ABCA2: variants seen among roughly 807,000 people sequenced by gnomAD.
The protein encoded by ABCA2 is ATP-binding cassette sub-family A member 2.
In ABCA2, 84 loss-of-function variants were observed where a neutral mutation model predicts 262.8. The ratio of observed to expected loss-of-function variants is 0.32; its 90% confidence interval spans 0.27 to 0.38. The LOEUF (loss-of-function observed/expected upper bound fraction) is 0.38, where lower values mean the gene tolerates loss of function less well. Ranked by LOEUF, ABCA2 falls within the 10% of genes least tolerant of loss-of-function variation. The pLI is 1.00. For missense variants in ABCA2, 2,662 were observed against 3,405.9 expected (o/e 0.78, Z 5.44); for synonymous variants, 1,696 against 1,502.9 (o/e 1.13, Z -2.97).
In ABCA2 at chr9:137,008,768, A is replaced by G. The variant is rs1192304938; in HGVS notation, c.7031T>C (p.Ile2344Thr). 6 of 1,594,464 alleles carry G rather than the reference A, an allele frequency of 3.8e-6. No individual in the cohort carries two copies. Among genetic ancestry groups the G allele is most frequent in the Non-Finnish European group, 5.1e-6 (6 of 1,172,306 alleles). The part of the protein sequence containing the change: ...KMEQVSGVLG[I>T]EDYSVSQTTL... ...GGTCTGGCTGACCGAGTAGTCCTCG[A>G]TGCCCAGCACGCCAGACACCTGCTC... The change falls in exon 47 of 49, where the codon ATC becomes ACC. Residue 2344 changes from isoleucine to threonine, a missense_variant. Around this residue, in one of 12 missense-constraint regions of ABCA2, gnomAD observed 212 missense variants for 214.4 expected, o/e 0.99. Coordinates refer to ENST00000341511, the MANE Select transcript of ABCA2 (RefSeq NM_001606.5).
Position 137,020,410 on chromosome 9 carries a change from C to T in ABCA2, c.1351G>A (p.Val451Met), listed in dbSNP as rs369407867. 10 of 1,612,780 alleles carry T rather than the reference C, an allele frequency of 6.2e-6. No individual in the cohort carries two copies. Among genetic ancestry groups the T allele is most frequent in the South Asian group, 1.1e-5 (1 of 91,090 alleles). ...TTGGGGTTGCTGGTCATGAGGTGCA[C>T]GAGGAGGCCCAGGTTCCGCTGCTCC... ...SKEQRNLGLL[V>M]HLMTSNPKIL... The change falls in exon 10 of 49, where the codon GTG becomes ATG. Residue 451 changes from valine (V) to methionine (M), a missense_variant. Val to Met is a conservative substitution (Grantham distance 21). Around this residue, in one of 12 missense-constraint regions of ABCA2, gnomAD observed 92 missense variants for 146.7 expected, o/e 0.63. Transcript: ENST00000341511.
At chr9:137,013,692 C>T (rs973026888) in intron 28 of ABCA2, 129 bp from the exon 29 acceptor site, 26 of 1,338,954 alleles carry the variant, frequency 1.9e-5, no homozygotes, top group East Asian at 5.0e-5. Flanking sequence ...ACAGGACTCC[C>T]GGATGAACCC....
At position 137,014,717 on chromosome 9, in the gene ABCA2, C is replaced by A; in HGVS notation, c.3976G>T (p.Asp1326Tyr). 6.2e-7 allele frequency: 1 copy of A among 1,605,896 alleles called. No homozygotes were observed. The highest frequency in any genetic ancestry group is 8.5e-7 in the Non-Finnish European group (1 of 1,177,462). The change falls in exon 26 of 49, where the codon GAT becomes TAT. Residue 1326 changes from aspartate (D) to tyrosine (Y), a missense_variant. Physicochemically the swap from Asp to Tyr is radical, Grantham distance 160 (BLOSUM62 -3). Coordinates refer to ENST00000341511, the MANE Select transcript of ABCA2 (RefSeq NM_001606.5). ...EEVFLKVSEE[D>Y]QSLENSEADV... ...GCCTCACTGTTCTCCAGCGACTGAT[C>A]CTCCTCCGACACCTTGAGGAACACT...
rs1310135292 is a variant in ABCA2, at chr9:137,010,616, C to A, written c.6174+4G>T. On this transcript the variant is annotated splice_donor_region_variant and intron_variant, in intron 40 of 48. Coordinates refer to ENST00000341511, the MANE Select transcript of ABCA2 (RefSeq NM_001606.5). The stretch of plus-strand genomic sequence containing the variant: ...AGGCCCCACCCTACATGCCCAGAGC[C>A]CACCTTGGTCAGGTTCTCAATCTTG... 1 of 1,610,750 alleles carries A rather than the reference C, an allele frequency of 6.2e-7. No homozygotes were observed. The highest frequency in any genetic ancestry group is 8.5e-7 in the Non-Finnish European group (1 of 1,178,646).
Position 137,007,821 on chromosome 9 carries a change from A to T in ABCA2, c.*108T>A. 4.1e-6 allele frequency: 6 copies of T among 1,468,966 alleles called. No individual in the cohort carries two copies. Among genetic ancestry groups the T allele is most frequent in the Non-Finnish European group, 5.5e-6 (6 of 1,081,476 alleles). 91.0% of individuals were successfully genotyped at this position (1,468,966 alleles called of 1,614,324 possible). On this transcript the variant is annotated 3_prime_UTR_variant, in exon 49 of 49. Coordinates refer to ENST00000341511, the MANE Select transcript of ABCA2 (RefSeq NM_001606.5). Reference sequence around the variant, plus strand: ...AGAAGCCCCTTGGTCCTGAACCTCCACTCCAGGCCCTGGCAGGCACTGGGG... The same window carrying T: ...AGAAGCCCCTTGGTCCTGAACCTCCTCTCCAGGCCCTGGCAGGCACTGGGG...
chr9:137,013,723 G>A, intron 28 of ABCA2, 109 bp downstream of exon 28: 2 of 1,384,968 alleles, frequency 1.4e-6, no homozygotes, highest in South Asian at 1.3e-5. Context: ...CCAGCCTCAG[G>A]TGTGGGGTGA....
intron 14 of ABCA2, 35 bp from the exon 15 acceptor site, chr9:137,018,110 G>T (rs1831325093): frequency 6.2e-7 from 1 of 1,609,980 alleles, no homozygotes; most frequent in South Asian, 1.1e-5. Flanking sequence ...TGCCGGGCAG[G>T]CCCTCTCGTC....
In ABCA2 at chr9:137,011,753, C is replaced by T; in HGVS notation, c.5536-4G>A. On this transcript the variant is annotated splice_polypyrimidine_tract_variant and splice_region_variant and intron_variant, in intron 35 of 48. Transcript: ENST00000341511. This position sits in a 1 kb window ranked among gnomAD's most constrained non-coding sequence, Gnocchi z 8.8. ...TAGCGGGGACCAGGTAGTTGAGCTGCAGGGGTGGGGGCGGCTGGTGAGAGA... is the reference window on the plus strand; with the variant it reads ...TAGCGGGGACCAGGTAGTTGAGCTGTAGGGGTGGGGGCGGCTGGTGAGAGA... The T allele has an allele frequency of 4.5e-6, 7 of 1,544,428 alleles. No homozygotes were observed. Among genetic ancestry groups the T allele is most frequent in the Non-Finnish European group, 6.1e-6 (7 of 1,142,656 alleles).
rs764984107 is a variant in ABCA2, at chr9:137,012,974, C to T, written c.4867+28G>A. On this transcript the variant is annotated intron_variant, in intron 30 of 48. Coordinates refer to ENST00000341511, the MANE Select transcript of ABCA2 (RefSeq NM_001606.5). Reference sequence around the variant, plus strand: ...GAGAAGGACCCCTCACTGCCCCTGCCCCCCCAGCAGGCCCCCTGAACCACT... The same window carrying T: ...GAGAAGGACCCCTCACTGCCCCTGCTCCCCCAGCAGGCCCCCTGAACCACT... 6 of 1,480,496 alleles carry T rather than the reference C, an allele frequency of 4.1e-6. No homozygotes were observed. The Middle Eastern group carries it at 5.4e-4, about 133-fold the overall frequency. The allele number at this position is 1,480,496 out of a possible 1,614,324, so 91.7% of individuals were successfully genotyped here.
rs1831239815 is a variant in ABCA2, at chr9:137,015,871, C to G, written c.3318G>C (p.Lys1106Asn). 1 of 1,608,754 alleles carries G rather than the reference C, an allele frequency of 6.2e-7. No individual in the cohort carries two copies. The highest frequency in any genetic ancestry group is 8.5e-7 in the Non-Finnish European group (1 of 1,177,034). The change falls in exon 23 of 49, where the codon AAG (lysine) becomes AAC (asparagine). Residue 1106 changes from lysine to asparagine, a missense_variant and splice_region_variant. By Grantham distance (94) the Lys-to-Asn change is moderately conservative. Around this residue, in one of 12 missense-constraint regions of ABCA2, gnomAD observed 180 missense variants for 307.3 expected, o/e 0.59. Transcript: ENST00000341511. Reference protein sequence around the residue: ...AQEEIRREMDKMIEDLELSNK... With the variant: ...AQEEIRREMDNMIEDLELSNK... Reference sequence around the variant, plus strand: ...TGGAGAGCTCCAGGTCCTCGATCATCCTGGGACAGGGAGGTGGGGCATGGG... The same window carrying G: ...TGGAGAGCTCCAGGTCCTCGATCATGCTGGGACAGGGAGGTGGGGCATGGG...
Position 137,008,813 on chromosome 9 carries a change from G to C in ABCA2, c.6986C>G (p.Ala2329Gly), listed in dbSNP as rs1830924308. The stretch of plus-strand genomic sequence containing the variant: ...CTGCTCCATCTTGCTGAACACCTGG[G>C]CCAGCGAGATGTGCTCCGACTTGAG... ...YQLKSEHISL[A>G]QVFSKMEQVS... Residue 2329 changes from alanine (A) to glycine (G), a missense_variant, in exon 47 of 49, where the codon GCC becomes GGC. By Grantham distance (60) the Ala-to-Gly change is moderately conservative. Coordinates refer to ENST00000341511, the MANE Select transcript of ABCA2 (RefSeq NM_001606.5). 1 of 1,605,036 alleles carries C rather than the reference G, an allele frequency of 6.2e-7. No individual in the cohort carries two copies. The highest frequency in any genetic ancestry group is 1.3e-5 in the African/African-American group (1 of 74,984).
At chr9:137,028,271 C>T, upstream of ABCA2, 1 of 978,428 alleles carries the variant, frequency 1.0e-6, no homozygotes, top group Non-Finnish European at 1.2e-6. This position sits in a 1 kb window ranked among gnomAD's most constrained non-coding sequence, Gnocchi z 6.9. Flanking sequence ...GGGACCCGAT[C>T]CGCGCTGGCT....
chr9:137,027,188 G>C (rs1831680403), intron 1 of ABCA2, among the ~76,000 whole-genome samples: 1 of 152,240 alleles, frequency 6.6e-6, no homozygotes. Context: ...GTCCAGGCCT[G>C]TGGCCTGGGA....
chr9:137,017,014 C>T lies in ABCA2; in HGVS notation c.2664G>A (p.Gly888=). The change falls in exon 19 of 49, where the codon GGG becomes GGA. Residue 888 remains glycine, a synonymous_variant. Transcript: ENST00000341511. ...WHTFSQSPVE[G]DDFNLLLAVT... ...CAGCCAGGAGCAAGTTGAAGTCGTCCCCCTCCACCGGGGACTGGCTGAAGG... is the reference window on the plus strand; with the variant it reads ...CAGCCAGGAGCAAGTTGAAGTCGTCTCCCTCCACCGGGGACTGGCTGAAGG... 4 of 1,612,810 alleles carry T rather than the reference C, an allele frequency of 2.5e-6. 1 individual carries two copies. The South Asian group carries it at 3.3e-5, about 13-fold the overall frequency.
rs377553370 is a variant in ABCA2 at position 137,015,790 on chromosome 9, G to A, written c.3399C>T (p.Ser1133=). ...TLSGGMKRKL[S]VAIAFVGGSR... is the part of the protein sequence containing the mutation. ...AGCCGCCCACGAAGGCGATGGCCAC[G>A]GACAGCTTGCGCTTCATGCCACCCG... The change falls in exon 23 of 49, where the codon TCC becomes TCT. Residue 1133 remains serine (S), a synonymous_variant. Coordinates refer to ENST00000341511, the MANE Select transcript of ABCA2 (RefSeq NM_001606.5). 103 of 1,612,430 alleles carry A rather than the reference G, an allele frequency of 6.4e-5. 1 individual carries two copies. The highest frequency in any genetic ancestry group is 4.8e-4 in the African/African-American group (36 of 75,068).
Position 137,021,945 on chromosome 9 carries a change from G to A in ABCA2, c.624C>T (p.His208=), listed in dbSNP as rs1310206385. The A allele has an allele frequency of 6.2e-7, 1 of 1,605,512 alleles. No individual in the cohort carries two copies. Among genetic ancestry groups the A allele is most frequent in the Admixed American group, 1.7e-5 (1 of 58,698 alleles). ...SSALDSQSGL[H]KGQEPWSRLG... The stretch of plus-strand genomic sequence containing the variant: ...GGCGGCTCCAGGGCTCCTGACCCTT[G>A]TGGAGGCCAGACTGTGAATCCAGGG... The change falls in exon 7 of 49, where the codon CAC becomes CAT. Residue 208 remains histidine (H), a synonymous_variant. Transcript: ENST00000341511. This position sits in a 1 kb window ranked among gnomAD's most constrained non-coding sequence, Gnocchi z 6.0.
rs748366859 is a variant in ABCA2 at position 137,008,538 on chromosome 9, C to T, written c.7153G>A (p.Gly2385Ser). Residue 2385 changes from glycine (G) to serine (S), a missense_variant, in exon 48 of 49, where the codon GGC becomes AGC. Coordinates refer to ENST00000341511, the MANE Select transcript of ABCA2 (RefSeq NM_001606.5). ...EPPSALQSPL[G>S]CLLSLLRPRS... ...GGCCGGAGCAGGCTGAGCAAGCAGC[C>T]GAGAGGGGACTGCAGTGCGGATGGC... 2.6e-5 allele frequency: 41 copies of T among 1,602,508 alleles called. No homozygotes were observed. Among genetic ancestry groups the T allele is most frequent in the Middle Eastern group, 1.6e-4 (1 of 6,070 alleles).
Position 137,015,657 on chromosome 9 carries a change from A to C in ABCA2, c.3514+18T>G, listed in dbSNP as rs943697758. ...GGAGGCGCCGCCCGCACCCCTGCCC[A>C]CACGGCACCCCACTCACCTGGCTTG... On this transcript the variant is annotated intron_variant, in intron 23 of 48. Transcript: ENST00000341511. 1 of 1,609,828 alleles carries C rather than the reference A, an allele frequency of 6.2e-7. No individual in the cohort carries two copies. The highest frequency in any genetic ancestry group is 8.5e-7 in the Non-Finnish European group (1 of 1,178,752).
intron 32 of ABCA2, 34 bp from the exon 33 acceptor site, chr9:137,012,410 G>A: frequency 6.2e-7 from 1 of 1,608,576 alleles, no homozygotes; most frequent in Non-Finnish European, 8.5e-7. Flanking sequence ...AAGGCCCCAG[G>A]ACCTCAGACC....
Sources: gnomAD v4.1 joint callset for allele counts (sites outside exome capture counted in the v4.1 genomes callset) on GRCh38, gnomAD v4.1.1 for gene constraint, gnomAD v4.1.1 regional missense constraint, Gnocchi (gnomAD v3.1) non-coding constraint, MANE v1.5 for transcripts, NCBI Gene and HGNC (gene_info 2026-07-23, HGNC 2026-07-21) for gene names.